AOPEP: variants seen among roughly 807,000 people sequenced by gnomAD.
AOPEP encodes aminopeptidase O (putative).
Under a neutral mutation model 98.1 loss-of-function variants are expected in AOPEP, and 77 were observed. That is an observed-to-expected ratio of 0.78 (90% CI 0.65 to 0.95). The LOEUF (loss-of-function observed/expected upper bound fraction) is 0.95. Among genes scored for constraint, AOPEP ranks in the 40% least tolerant of loss-of-function variants. The pLI, the probability that AOPEP is intolerant of heterozygous loss-of-function variation, is 0.00. For synonymous variants in AOPEP, 346 were observed against 365.3 expected (o/e 0.95, Z 0.60); for missense variants, 1,024 against 1,024.7 (o/e 1.00, Z 0.01).
chr9:94,807,169 C>G (rs1367881149), intron 5 of AOPEP, among the ~76,000 whole-genome samples: 1 of 152,218 alleles, frequency 6.6e-6, no homozygotes, highest in Non-Finnish European at 1.5e-5. Context: ...GGGCCAGGCT[C>G]TCTCTCTTCT....
intron 5 of AOPEP, among the ~76,000 whole-genome samples, chr9:94,877,891 A>T (rs1230633850): frequency 2.0e-5 from 3 of 152,216 alleles, no homozygotes; most frequent in Admixed American, 6.5e-5. Context: ...GGAAAAGTTA[A>T]AGTGCTGTTT....
chr9:94,799,600 A>G (rs356124), intron 4 of AOPEP, among the ~76,000 whole-genome samples: 1 of 151,890 alleles, frequency 6.6e-6, no homozygotes, highest in Non-Finnish European at 1.5e-5. Context: ...CGGTGGTTCA[A>G]GCCTGTACTC....
At chr9:94,895,245 A>AAAAAAAAAAAAAAAAAAAC (rs1379013709) in intron 5 of AOPEP, among the ~76,000 whole-genome samples, 1 of 150,444 alleles carries the variant, frequency 6.6e-6, no homozygotes, top group African/African-American at 2.5e-5. Context: ...AAAATAAAAA[A>AAAAAAAAAAAAAAAAAAAC]AAAAAATAGC....
intron 5 of AOPEP, among the ~76,000 whole-genome samples, chr9:94,849,763 A>G (rs971675103): frequency 1.3e-5 from 2 of 152,102 alleles, no homozygotes; most frequent in African/African-American, 4.8e-5. Flanking sequence ...GGCGGAGCGC[A>G]GTGGCTCACG....
intron 7 of AOPEP, chr9:94,932,079 G>T: frequency 1.8e-6 from 2 of 1,087,404 alleles, no homozygotes; most frequent in Non-Finnish European, 2.2e-6. Context: ...AACTCTTCTC[G>T]GTTCCCTATA....
chr9:94,744,551 A>T (rs1356951559), intron 1 of AOPEP, among the ~76,000 whole-genome samples: 1 of 151,526 alleles, frequency 6.6e-6, no homozygotes, highest in East Asian at 2.0e-4. Flanking sequence ...AAATACAAAA[A>T]TTAGCTGGGC....
the AOPEP span, chr9:95,117,402 T>C: frequency 4.3e-6 from 7 of 1,611,658 alleles, no homozygotes; most frequent in Admixed American, 5.0e-5. Context: ...TGCCACAGGA[T>C]GGAAAATCCA....
At chr9:94,755,567 A>T (rs1385305523) in intron 1 of AOPEP, among the ~76,000 whole-genome samples, 1 of 152,244 alleles carries the variant, frequency 6.6e-6, no homozygotes, top group African/African-American at 2.4e-5. Context: ...GGGCTGGCTT[A>T]AAAGTTCTCC....
chr9:95,066,874 T>G (rs1300924386), intron 14 of AOPEP, among the ~76,000 whole-genome samples: 1 of 152,224 alleles, frequency 6.6e-6, no homozygotes, highest in Non-Finnish European at 1.5e-5. Context: ...CTTTAATTGG[T>G]GCTTCTGGGT....
chr9:94,776,040 G>T (rs1221265559), intron 3 of AOPEP, among the ~76,000 whole-genome samples: 2 of 151,552 alleles, frequency 1.3e-5, no homozygotes, highest in African/African-American at 4.8e-5. Flanking sequence ...TAACATTTAC[G>T]TGGTTCATTT....
At chr9:94,881,341 A>G (rs762361773) in intron 5 of AOPEP, among the ~76,000 whole-genome samples, 4 of 151,966 alleles carry the variant, frequency 2.6e-5, no homozygotes, top group Non-Finnish European at 5.9e-5. Flanking sequence ...TGGTAGACTA[A>G]CAGAGAAGCA....
At chr9:95,107,239 G>A in the AOPEP span, 1 of 1,614,142 alleles carries the variant, frequency 6.2e-7, no homozygotes. Context: ...GACATTGCCA[G>A]GAGGTGGCCC....
chr9:94,833,364 A>G (rs920854067), intron 5 of AOPEP, among the ~76,000 whole-genome samples: 1 of 148,338 alleles, frequency 6.7e-6, no homozygotes, highest in African/African-American at 2.5e-5. Flanking sequence ...CAGCCTCCCA[A>G]GTAGCTGGGA....
the AOPEP span, among the ~76,000 whole-genome samples, chr9:95,112,775 G>C: frequency 2.6e-5 from 4 of 152,336 alleles, no homozygotes; most frequent in East Asian, 7.7e-4. Context: ...GAATGCACAA[G>C]CAGTCCCATG....
At chr9:94,923,897 C>A in intron 5 of AOPEP, 89 bp from the exon 6 acceptor site, 1 of 858,178 alleles carries the variant, frequency 1.2e-6, no homozygotes, top group Non-Finnish European at 1.6e-6. Flanking sequence ...TAATAACAGG[C>A]TTGCCAGGCT....
rs549701150 is a variant in AOPEP, at chr9:95,034,383, A to G, written c.2116-26311A>G. On this transcript the variant is annotated intron_variant, in intron 13 of 16. Coordinates refer to ENST00000375315, the MANE Select transcript of AOPEP (RefSeq NM_001193329.3). ...CTTGCAATATAGGTGGGTTTGATAG[A>G]ATAGTATTAGGAAATACCAAAGAAT... Among the ~76,000 whole-genome samples the G allele has an allele frequency of 6.4e-4, 98 of 152,364 alleles. No individual in the cohort carries two copies. In the South Asian group the frequency reaches 0.02, roughly 31 times the overall value.
intron 4 of AOPEP, among the ~76,000 whole-genome samples, chr9:94,794,394 A>AGAG (rs1846452318): frequency 6.6e-6 from 1 of 151,882 alleles, no homozygotes; most frequent in South Asian, 2.1e-4. Context: ...ATGATTAGTT[A>AGAG]CTCCTTGAAA....
chr9:95,112,119 A>G, the AOPEP span, among the ~76,000 whole-genome samples: 3,332 of 152,314 alleles, frequency 0.022, 122 homozygotes, highest in African/African-American at 0.077. Flanking sequence ...TCATGGGTGC[A>G]TCAATGCCAG....
chr9:94,939,650 ATGTGATG>A (rs2056772066), intron 7 of AOPEP, among the ~76,000 whole-genome samples: 1 of 152,210 alleles, frequency 6.6e-6, no homozygotes. Context: ...ACCTGATCTC[ATGTGATG>A]GTGGCTCCCA....
Sources: gnomAD v4.1 joint callset for allele counts (sites outside exome capture counted in the v4.1 genomes callset) on GRCh38, gnomAD v4.1.1 for gene constraint, MANE v1.5 for transcripts, NCBI Gene and HGNC (gene_info 2026-07-23, HGNC 2026-07-21) for gene names.